Variants in TBX10 observed in about 807,000 individuals in gnomAD.
TBX10 encodes the protein T-box transcription factor TBX10.
A neutral mutation model predicts 32.4 loss-of-function variants in TBX10; 26 were observed. The ratio of observed to expected loss-of-function variants is 0.80; its 90% CI spans 0.59 to 1.11. TBX10 has a LOEUF of 1.11. TBX10 is among the 50% of genes most tolerant of loss of function. The pLI is 0.00. For missense variants in TBX10, 490 were observed against 494.5 expected (o/e 0.99, Z 0.09); for synonymous variants, 195 against 203.1 (o/e 0.96, Z 0.34).
intron 1 of TBX10, among the ~76,000 whole-genome samples, chr11:67,635,841 C>T (rs1384991238): frequency 6.6e-6 from 1 of 152,122 alleles, no homozygotes; most frequent in Non-Finnish European, 1.5e-5. Context: ...CTCCAGAAAC[C>T]CATCCTACCG....
intron 1 of TBX10, among the ~76,000 whole-genome samples, chr11:67,637,356 AT>A (rs34557801): frequency 0.92 from 139,498 of 152,046 alleles, 65,194 homozygotes; most frequent in East Asian, 1. Flanking sequence ...CAGCAAGGCC[AT>A]TTTTTTTTAC....
chr11:67,632,790 G>C (rs1423304801), intron 5 of TBX10, 120 bp from the exon 6 acceptor site: 8 of 1,542,846 alleles, frequency 5.2e-6, no homozygotes, highest in Middle Eastern at 2.0e-4. Flanking sequence ...GGAACTCTGA[G>C]CTGATAGGAG....
At chr11:67,640,235 C>T (rs985521510), upstream of TBX10, among the ~76,000 whole-genome samples, 11 of 152,258 alleles carry the variant, frequency 7.2e-5, no homozygotes, top group African/African-American at 2.4e-4. Flanking sequence ...TGAACCCACA[C>T]GCACAGACAC....
At chr11:67,634,756 G>T (rs2134099851) in intron 3 of TBX10, 60 bp downstream of exon 3, 10 of 1,543,818 alleles carry the variant, frequency 6.5e-6, no homozygotes, top group Non-Finnish European at 8.9e-6. Flanking sequence ...TGCAGGAAGG[G>T]TCTAATTCCT....
intron 5 of TBX10, 125 bp from the exon 6 acceptor site, chr11:67,632,795 T>C: frequency 6.5e-7 from 1 of 1,540,292 alleles, no homozygotes; most frequent in South Asian, 1.1e-5. Flanking sequence ...TCTGAGCTGA[T>C]AGGAGTGCGG....
Position 67,634,807 on chromosome 11 carries a change from T to G in TBX10, c.377+9A>C. The G allele has an allele frequency of 6.2e-7, 1 of 1,613,158 alleles. No homozygotes were observed. The highest frequency in any genetic ancestry group is 8.5e-7 in the Non-Finnish European group (1 of 1,179,890). On this transcript the variant is annotated intron_variant, in intron 3 of 7. Coordinates refer to ENST00000335385, the MANE Select transcript of TBX10 (RefSeq NM_005995.5). ...GACCTGAGCCTTTGCCCCAGGCCGG[T>G]CCCCGCACCTGTATCTCTTGTCGTC...
intron 1 of TBX10, among the ~76,000 whole-genome samples, chr11:67,638,852 C>T (rs1251778800): frequency 2.0e-5 from 3 of 152,202 alleles, no homozygotes; most frequent in African/African-American, 7.2e-5. Context: ...CCCGGCTGCC[C>T]TGCTGGGGCG....
chr11:67,632,668 G>C lies in TBX10; in HGVS notation c.708C>G (p.Ile236Met). 1 of 1,614,022 alleles carries C rather than the reference G, an allele frequency of 6.2e-7. No homozygotes were observed. Among genetic ancestry groups the C allele is most frequent in the Non-Finnish European group, 8.5e-7 (1 of 1,179,996 alleles). Residue 236 changes from isoleucine to methionine, a missense_variant and splice_region_variant, in exon 6 of 8, where the codon ATC (isoleucine) becomes ATG (methionine). This residue lies in a region of TBX10 where 6 missense variants were observed against 23.1 expected (regional missense o/e 0.26). Transcript: ENST00000335385. The part of the protein sequence containing the change: ...TAVTAYQNHR[I>M]TQLKIASNPF... The stretch of plus-strand genomic sequence containing the variant: ...GGTTGCTGGCGATTTTCAGCTGGGT[G>C]ATCTGCAGGAGACAAAGTGCAGTTG...
chr11:67,636,863 A>G (rs999290191), intron 1 of TBX10, among the ~76,000 whole-genome samples: 1 of 152,214 alleles, frequency 6.6e-6, no homozygotes, highest in Non-Finnish European at 1.5e-5. Context: ...GAAAGAAGGA[A>G]CTCAAACAGA....
chr11:67,639,393 T>TGCCCCCCCCCCCCCCCCCCCCCC, intron 1 of TBX10, 73 bp downstream of exon 1: 3 of 726,924 alleles, frequency 4.1e-6, no homozygotes, highest in Non-Finnish European at 7.5e-6. Context: ...CTGTCTTGGT[T>TGCCCCCCCCCCCCCCCCCCCCCC]CCCACCCTGC....
chr11:67,635,237 G>A lies in TBX10; in HGVS notation c.34C>T (p.Leu12Phe), dbSNP rs1300438648. 1.9e-6 allele frequency: 3 copies of A among 1,613,592 alleles called. No homozygotes were observed. The highest frequency in any genetic ancestry group is 2.2e-5 in the East Asian group (1 of 44,876). Residue 12 changes from leucine to phenylalanine, a missense_variant, in exon 2 of 8, where the codon CTT (leucine) becomes TTT (phenylalanine). Physicochemically the swap from Leu to Phe is conservative, Grantham distance 22 (BLOSUM62 0). Coordinates refer to ENST00000335385, the MANE Select transcript of TBX10 (RefSeq NM_005995.5). The part of the protein sequence containing the change: ...AAFLSAGLGI[L>F]APSETYPLPT... ...AGGGGGTAGGTCTCTGAGGGTGCAAGTATGCCGAGGCCAGCAGATAGGAAG... is the reference window on the plus strand; with the variant it reads ...AGGGGGTAGGTCTCTGAGGGTGCAAATATGCCGAGGCCAGCAGATAGGAAG...
intron 4 of TBX10, among the ~76,000 whole-genome samples, chr11:67,633,782 CCTAT>C (rs1855276914): frequency 1.3e-5 from 2 of 152,312 alleles, no homozygotes; most frequent in African/African-American, 4.8e-5. Flanking sequence ...GGCATTTGTC[CCTAT>C]CTGAGACGCT....
rs1404751066 is a variant in TBX10, at chr11:67,634,985, G to A, written c.275+11C>T. 9 of 1,613,242 alleles carry A rather than the reference G, an allele frequency of 5.6e-6. No homozygotes were observed. The East Asian group carries it at 6.7e-5, about 12-fold the overall frequency. ...CTGGCCCCTGCCTCACCCCGCCCCC[G>A]CTGCTCACACCTGCCTGCCTTGGTG... On this transcript the variant is annotated intron_variant, in intron 2 of 7. Coordinates refer to ENST00000335385, the MANE Select transcript of TBX10 (RefSeq NM_005995.5).
upstream of TBX10, among the ~76,000 whole-genome samples, chr11:67,641,288 C>T (rs1016130307): frequency 1.3e-5 from 2 of 152,142 alleles, no homozygotes; most frequent in African/African-American, 2.4e-5. Flanking sequence ...CTCCCACACA[C>T]ACACACGAGC....
upstream of TBX10, among the ~76,000 whole-genome samples, chr11:67,640,474 A>T (rs528553865): frequency 5.3e-4 from 80 of 152,292 alleles, no homozygotes; most frequent in African/African-American, 1.8e-3. Context: ...CCAGGTGAGA[A>T]GTGGGCGTCC....
chr11:67,640,585 C>T (rs889076694), upstream of TBX10, among the ~76,000 whole-genome samples: 3 of 152,244 alleles, frequency 2.0e-5, no homozygotes, highest in African/African-American at 7.2e-5. Context: ...ATGGATCACT[C>T]TGCAGGGAGG....
Position 67,631,394 on chromosome 11 carries a change from C to A in TBX10, c.*211G>T. 1.6e-6 allele frequency: 1 copy of A among 634,374 alleles called. No individual in the cohort carries two copies. The highest frequency in any genetic ancestry group is 2.8e-5 in the East Asian group (1 of 36,196). 39.3% of individuals were successfully genotyped at this position (634,374 alleles called of 1,614,324 possible). On this transcript the variant is annotated 3_prime_UTR_variant, in exon 8 of 8. Transcript: ENST00000335385. ...AAAGCAAGAGGGCACAGTATTCAGGCTGCTGGGGTTGGGAGATAGAAGTCC... is the reference window on the plus strand; with the variant it reads ...AAAGCAAGAGGGCACAGTATTCAGGATGCTGGGGTTGGGAGATAGAAGTCC...
At chr11:67,640,747 C>T (rs1478157637), upstream of TBX10, among the ~76,000 whole-genome samples, 1 of 152,198 alleles carries the variant, frequency 6.6e-6, no homozygotes, top group Non-Finnish European at 1.5e-5. Flanking sequence ...GCTGGGTTGG[C>T]AGTGGCCTTG....
At chr11:67,635,343 T>C (rs957429797) in intron 1 of TBX10, 80 bp from the exon 2 acceptor site, 2 of 1,591,778 alleles carry the variant, frequency 1.3e-6, no homozygotes, top group Non-Finnish European at 1.7e-6. Context: ...TATATGCCTC[T>C]TCCTCCAGGA....
Sources: allele counts gnomAD v4.1 joint callset (sites outside exome capture counted in the v4.1 genomes callset), GRCh38; gene constraint gnomAD v4.1.1; regional missense constraint gnomAD v4.1.1; transcripts MANE v1.5; gene names NCBI Gene and HGNC (gene_info 2026-07-23, HGNC 2026-07-21).